DLG2: variants seen among roughly 807,000 people sequenced by gnomAD.
The protein encoded by DLG2 is disks large homolog 2.
In DLG2, 45 loss-of-function variants were observed where a neutral mutation model predicts 132.5. The ratio of observed to expected loss-of-function variants is 0.34; its 90% CI spans 0.27 to 0.44. The LOEUF (loss-of-function observed/expected upper bound fraction) is 0.44. Among genes scored for constraint, DLG2 ranks in the 20% least tolerant of loss-of-function variants. DLG2 has a pLI of 1.00. For synonymous variants in DLG2, 424 were observed against 419.6 expected, an observed-to-expected ratio of 1.01 and a Z score of -0.13; for missense variants, 1,045 against 1,196.9, an observed-to-expected ratio of 0.87 and a Z score of 1.87.
chr11:84,112,743 G>A (rs923241000), intron 9 of DLG2, among the ~76,000 whole-genome samples: 5 of 152,192 alleles, frequency 3.3e-5, no homozygotes, highest in Admixed American at 3.3e-4. Flanking sequence ...TACCAACCTT[G>A]ACTAGGCAAG....
intron 6 of DLG2, among the ~76,000 whole-genome samples, chr11:84,960,475 A>T (rs1251817730): frequency 6.6e-6 from 1 of 150,534 alleles, no homozygotes; most frequent in Non-Finnish European, 1.5e-5. Context: ...TGGCTCTGTC[A>T]CCCAGGCTGG....
At chr11:84,848,548 C>G (rs1469518336) in intron 6 of DLG2, among the ~76,000 whole-genome samples, 3 of 152,004 alleles carry the variant, frequency 2.0e-5, no homozygotes, top group Non-Finnish European at 4.4e-5. Context: ...CTCCCCAACT[C>G]CAGCTTTTTA....
intron 3 of DLG2, among the ~76,000 whole-genome samples, chr11:85,465,198 C>G (rs1224636599): frequency 7.5e-6 from 1 of 133,244 alleles, no homozygotes; most frequent in African/African-American, 2.8e-5. Context: ...GGTTAATTGT[C>G]GTGGCACAAT....
rs547215875 is a variant in DLG2, at chr11:83,794,765, G to A, written c.1723-7973C>T. On this transcript the variant is annotated intron_variant, in intron 17 of 27. Transcript: ENST00000376104. ...CTTACTCAAATTTATATGGTGGAAA[G>A]AGGCTAAGGATCTAAAATAATGTAA... Among the ~76,000 whole-genome samples the A allele has an allele frequency of 4.1e-4, 62 of 152,236 alleles. 1 individual carries two copies. In the South Asian group the frequency reaches 5.0e-3, roughly 12 times the overall value.
chr11:85,563,860 A>G (rs2153224227), intron 3 of DLG2, among the ~76,000 whole-genome samples: 1 of 152,244 alleles, frequency 6.6e-6, no homozygotes, highest in Admixed American at 6.6e-5. Flanking sequence ...GGTTAAAATA[A>G]TAAGTTTAAC....
At chr11:83,740,147 T>C (rs1446545543) in intron 18 of DLG2, among the ~76,000 whole-genome samples, 2 of 152,202 alleles carry the variant, frequency 1.3e-5, no homozygotes, top group Non-Finnish European at 1.5e-5. Flanking sequence ...ATACATACTC[T>C]ACATTCCAGC....
At chr11:85,275,597 T>G (rs932070391) in intron 4 of DLG2, among the ~76,000 whole-genome samples, 2 of 152,150 alleles carry the variant, frequency 1.3e-5, no homozygotes, top group Non-Finnish European at 2.9e-5. Context: ...TGCTTTGAGT[T>G]GGATAATCAT....
rs2092689799 is a variant in DLG2 at position 83,980,507 on chromosome 11, A to G, written c.1055T>C (p.Met352Thr). The G allele has an allele frequency of 6.2e-7, 1 of 1,612,760 alleles. No homozygotes were observed. Among genetic ancestry groups the G allele is most frequent in the South Asian group, 1.1e-5 (1 of 90,918 alleles). ...CAGTTTTGCTGGAGTCACACTCACC[A>G]TTAGTAGTCTATCTCCTACTTGCAA... ...GRLQVGDRLL[M>T]VNNYSLEEVT... Residue 352 changes from methionine to threonine, a missense_variant and splice_region_variant, in exon 12 of 28, where the codon ATG becomes ACG. By Grantham distance (81) the Met-to-Thr change is moderately conservative. Around this residue, in one of 4 missense-constraint regions of DLG2, gnomAD observed 261 missense variants for 256.1 expected, o/e 1.02. Coordinates refer to ENST00000376104, the MANE Select transcript of DLG2 (RefSeq NM_001142699.3).
intron 8 of DLG2, among the ~76,000 whole-genome samples, chr11:84,200,971 T>G (rs1053892608): frequency 6.6e-6 from 1 of 152,232 alleles, no homozygotes; most frequent in Non-Finnish European, 1.5e-5. Context: ...TGGCAGAACT[T>G]CTAATACCAT....
intron 4 of DLG2, among the ~76,000 whole-genome samples, chr11:85,204,839 G>A (rs1467206243): frequency 6.6e-6 from 1 of 151,938 alleles, no homozygotes; most frequent in Non-Finnish European, 1.5e-5. Context: ...CAGACACACA[G>A]GCCAATGAAA....
chr11:83,942,986 A>G (rs2083008995), intron 14 of DLG2, among the ~76,000 whole-genome samples: 1 of 152,170 alleles, frequency 6.6e-6, no homozygotes, highest in South Asian at 2.1e-4. Flanking sequence ...TGCTGTTCTC[A>G]TGATGGTGAA....
intron 17 of DLG2, among the ~76,000 whole-genome samples, chr11:83,812,146 C>G (rs1341920697): frequency 6.6e-6 from 1 of 152,092 alleles, no homozygotes; most frequent in Non-Finnish European, 1.5e-5. Context: ...ATGCTGCCAC[C>G]CTTGCCTTGG....
chr11:84,287,881 G>A (rs2097928625), intron 7 of DLG2, among the ~76,000 whole-genome samples: 1 of 151,978 alleles, frequency 6.6e-6, no homozygotes, highest in African/African-American at 2.4e-5. Context: ...TCAGGTGAGA[G>A]CCAATAGGTG....
intron 3 of DLG2, among the ~76,000 whole-genome samples, chr11:85,436,776 C>T (rs1210483389): frequency 6.6e-6 from 1 of 152,146 alleles, no homozygotes; most frequent in Non-Finnish European, 1.5e-5. Context: ...CCAGAAATAC[C>T]ATTCGACCTA....
intron 18 of DLG2, among the ~76,000 whole-genome samples, chr11:83,633,877 G>A (rs1194159789): frequency 6.6e-6 from 1 of 151,716 alleles, no homozygotes; most frequent in Non-Finnish European, 1.5e-5. Flanking sequence ...TTACTATTGG[G>A]AGAAACTGAG....
chr11:83,678,802 C>A (rs553167604), intron 18 of DLG2, among the ~76,000 whole-genome samples: 53 of 152,252 alleles, frequency 3.5e-4, no homozygotes, highest in Non-Finnish European at 1.9e-4. Flanking sequence ...ACTTTCAGAG[C>A]TTGCCTTGAA....
chr11:85,090,584 C>G (rs2068607000), intron 6 of DLG2, among the ~76,000 whole-genome samples: 1 of 152,182 alleles, frequency 6.6e-6, no homozygotes, highest in South Asian at 2.1e-4. Context: ...TCTGGGGAAA[C>G]ATTTCTTATT....
At chr11:85,462,675 T>C (rs1476502615) in intron 3 of DLG2, among the ~76,000 whole-genome samples, 5 of 151,850 alleles carry the variant, frequency 3.3e-5, no homozygotes, top group Non-Finnish European at 5.9e-5. Context: ...CGGGGAGGGA[T>C]AGCATTAGGA....
intron 6 of DLG2, among the ~76,000 whole-genome samples, chr11:84,723,463 C>T (rs2062061520): frequency 6.6e-6 from 1 of 151,942 alleles, no homozygotes; most frequent in South Asian, 2.1e-4. Context: ...ATCTGTTATC[C>T]GTTTATATGT....
Sources: allele counts gnomAD v4.1 joint callset (sites outside exome capture counted in the v4.1 genomes callset), GRCh38; gene constraint gnomAD v4.1.1; regional missense constraint gnomAD v4.1.1; transcripts MANE v1.5; gene names NCBI Gene and HGNC (gene_info 2026-07-23, HGNC 2026-07-21).